EPHA6: variants seen among roughly 807,000 people sequenced by gnomAD.
EPHA6 encodes EPH receptor A6, also known as ephrin type-A receptor 6.
Under a neutral mutation model 112.0 loss-of-function variants are expected in EPHA6, and 50 were observed. The ratio of observed to expected loss-of-function variants is 0.45; its 90% CI spans 0.36 to 0.56. The LOEUF (loss-of-function observed/expected upper bound fraction) is 0.56. EPHA6 is among the 20% of genes least tolerant of loss of function. EPHA6 has a pLI of 0.00. For synonymous variants in EPHA6, 529 were observed against 490.7 expected (o/e 1.08, Z -1.03); for missense variants, 1,280 against 1,417.4 (o/e 0.90, Z 1.56).
intron 2 of EPHA6, among the ~76,000 whole-genome samples, chr3:96,891,285 A>C (rs1031898777): frequency 1.3e-5 from 2 of 152,238 alleles, no homozygotes; most frequent in African/African-American, 4.8e-5. Context: ...TTTATACAGC[A>C]CTATAGATGA....
intron 14 of EPHA6, among the ~76,000 whole-genome samples, chr3:97,704,665 G>A (rs2033583796): frequency 6.6e-6 from 1 of 152,062 alleles, no homozygotes; most frequent in African/African-American, 2.4e-5. Context: ...AATGTAAATG[G>A]TGCTTCTATA....
intron 13 of EPHA6, among the ~76,000 whole-genome samples, chr3:97,620,094 G>C (rs1480864985): frequency 1.3e-5 from 2 of 151,936 alleles, no homozygotes; most frequent in Non-Finnish European, 2.9e-5. Flanking sequence ...AGAGAAGAGA[G>C]AACACAGAAA....
chr3:96,866,552 G>A (rs61076237), intron 1 of EPHA6, among the ~76,000 whole-genome samples: 2,016 of 151,788 alleles, frequency 0.013, 48 homozygotes, highest in African/African-American at 0.045. Flanking sequence ...CTATTAAAAA[G>A]ACTTAATTCT....
intron 2 of EPHA6, among the ~76,000 whole-genome samples, chr3:96,881,536 T>C (rs1165661780): frequency 6.6e-6 from 1 of 152,228 alleles, no homozygotes; most frequent in Non-Finnish European, 1.5e-5. Flanking sequence ...GTGGGAATTA[T>C]GTGAGTACAA....
intron 5 of EPHA6, among the ~76,000 whole-genome samples, chr3:97,245,936 A>T (rs1405790854): frequency 6.6e-6 from 1 of 151,998 alleles, no homozygotes; most frequent in Non-Finnish European, 1.5e-5. Flanking sequence ...TTTGCTGATA[A>T]TCTTCAGAAA....
At chr3:97,251,699 T>C (rs2079147221) in intron 5 of EPHA6, among the ~76,000 whole-genome samples, 1 of 152,136 alleles carries the variant, frequency 6.6e-6, no homozygotes, top group Admixed American at 6.5e-5. Flanking sequence ...TAGATGAGTG[T>C]TTTTTCTTCC....
chr3:97,415,173 G>T (rs1445665693), intron 6 of EPHA6, among the ~76,000 whole-genome samples: 1 of 151,918 alleles, frequency 6.6e-6, no homozygotes, highest in South Asian at 2.1e-4. Context: ...GAAAAAAAAA[G>T]AATAGTTGAA....
At chr3:97,149,337 T>C (rs960453117) in intron 3 of EPHA6, among the ~76,000 whole-genome samples, 1 of 152,116 alleles carries the variant, frequency 6.6e-6, no homozygotes, top group African/African-American at 2.4e-5. Flanking sequence ...TTGGCAATCG[T>C]GTTTGTACAG....
intron 2 of EPHA6, among the ~76,000 whole-genome samples, chr3:96,950,391 A>G (rs1010175573): frequency 1.3e-5 from 2 of 152,156 alleles, no homozygotes; most frequent in African/African-American, 2.4e-5. Flanking sequence ...CAATACTGGT[A>G]TACTGGTGTA....
chr3:97,376,259 T>C (rs1403749899), intron 5 of EPHA6, among the ~76,000 whole-genome samples: 1 of 152,178 alleles, frequency 6.6e-6, no homozygotes, highest in East Asian at 1.9e-4. Flanking sequence ...ATAATTCCAA[T>C]TTTCCCTGCA....
intron 6 of EPHA6, among the ~76,000 whole-genome samples, chr3:97,435,388 G>A (rs905031526): frequency 5.3e-5 from 8 of 152,034 alleles, no homozygotes; most frequent in Non-Finnish European, 1.2e-4. Flanking sequence ...AAATATTATA[G>A]GGTAAAAAAT....
intron 13 of EPHA6, among the ~76,000 whole-genome samples, chr3:97,624,345 A>G (rs1355827916): frequency 2.0e-5 from 3 of 151,772 alleles, no homozygotes; most frequent in East Asian, 3.9e-4. Context: ...TGTTACATTG[A>G]CTGACTTTCA....
At chr3:97,481,443 C>A in intron 9 of EPHA6, 1 of 1,369,706 alleles carries the variant, frequency 7.3e-7, no homozygotes, top group East Asian at 2.4e-5. Flanking sequence ...TACAGGCTTT[C>A]CTTTGCAGTT....
At chr3:97,429,956 C>T (rs1180222790) in intron 6 of EPHA6, among the ~76,000 whole-genome samples, 1 of 152,170 alleles carries the variant, frequency 6.6e-6, no homozygotes, top group Non-Finnish European at 1.5e-5. Flanking sequence ...AGAATCTCTG[C>T]TCTAGGCACT....
chr3:96,896,474 A>G (rs966149134), intron 2 of EPHA6, among the ~76,000 whole-genome samples: 1 of 152,286 alleles, frequency 6.6e-6, no homozygotes, highest in South Asian at 2.1e-4. Flanking sequence ...TCTGGATTCA[A>G]GCAGTAAGCC....
intron 6 of EPHA6, among the ~76,000 whole-genome samples, chr3:97,418,318 A>G (rs3886994): frequency 0.098 from 14,883 of 152,054 alleles, 967 homozygotes; most frequent in Admixed American, 0.22. Context: ...GAGAGCATAC[A>G]ATACTTATAT....
At chr3:96,891,831 G>A (rs1019682661) in intron 2 of EPHA6, among the ~76,000 whole-genome samples, 1 of 152,148 alleles carries the variant, frequency 6.6e-6, no homozygotes, top group Admixed American at 6.5e-5. Flanking sequence ...CATATACTTT[G>A]TTCTGTTCCC....
At chr3:97,473,501 A>AT (rs2091285153) in intron 7 of EPHA6, among the ~76,000 whole-genome samples, 5 of 151,826 alleles carry the variant, frequency 3.3e-5, no homozygotes, top group Admixed American at 3.3e-4. Context: ...CTCCCTCTGA[A>AT]TTTTGGACTC....
rs188698883 is a variant in EPHA6, at chr3:97,270,253, T to C, written c.1606+25966T>C. On this transcript the variant is annotated intron_variant, in intron 5 of 17. Transcript: ENST00000389672. ...CAAAAATCTTTACCCCTACTGACTC[T>C]GCTACAAACCCTAACACACTTTCTA... 3.5e-3 allele frequency among the ~76,000 whole-genome samples: 540 copies of C among 152,296 alleles called. 5 individuals are homozygous for C. The highest frequency in any genetic ancestry group is 0.012 in the African/African-American group (502 of 41,564).
Sources: gnomAD v4.1 joint callset for allele counts (sites outside exome capture counted in the v4.1 genomes callset) on GRCh38, gnomAD v4.1.1 for gene constraint, MANE v1.5 for transcripts, NCBI Gene and HGNC (gene_info 2026-07-23, HGNC 2026-07-21) for gene names.